Variants in OR1S1 observed in about 807,000 individuals in gnomAD.
The protein encoded by OR1S1 is olfactory receptor family 1 subfamily S member 1.
For missense variants in OR1S1, 411 were observed against 367.5 expected, an observed-to-expected ratio of 1.12 and a Z score of -0.97; for synonymous variants, 156 against 143.9, an observed-to-expected ratio of 1.08 and a Z score of -0.60.
chr11:58,215,848 T>C, exon 2 of OR1S1: 8 of 1,212,878 alleles, frequency 6.6e-6, no homozygotes, highest in African/African-American at 1.5e-5. Flanking sequence ...TATTCCAACC[T>C]CTGAAGGGGT....
intron 1 of OR1S1, among the ~76,000 whole-genome samples, chr11:58,213,710 T>C (rs1331479566): frequency 6.6e-6 from 1 of 152,222 alleles, no homozygotes; most frequent in Non-Finnish European, 1.5e-5. Flanking sequence ...ACTAGCAGCT[T>C]GTGCCTTATA....
intron 1 of OR1S1, among the ~76,000 whole-genome samples, chr11:58,213,685 T>A (rs1371280053): frequency 6.6e-6 from 1 of 152,218 alleles, no homozygotes; most frequent in East Asian, 1.9e-4. Context: ...AGTGTTCATA[T>A]CTGTTGCCAT....
chr11:58,214,782 A>G (rs749561031), exon 2 of OR1S1: 2 of 1,613,902 alleles, frequency 1.2e-6, no homozygotes, highest in Non-Finnish European at 1.7e-6. Context: ...ATCGGCAGAA[A>G]TATGCATCAA....
intron 1 of OR1S1, 149 bp from the exon 2 acceptor site, chr11:58,214,580 G>T: frequency 1.6e-6 from 1 of 621,296 alleles, no homozygotes; most frequent in Non-Finnish European, 2.8e-6. Context: ...GAGAAGTTTC[G>T]GCCATGTCCT....
chr11:58,215,522 G>A lies in OR1S1; in HGVS notation c.739G>A (p.Val247Ile), dbSNP rs780881714. ...CTCCACTTGTGGCTCTCACCTGACA[G>A]TTGTATTACTGTTCTACGGAACCAT... Residue 247 changes from valine to isoleucine, a missense_variant, in exon 2 of 2, where the codon GTT becomes ATT. Coordinates refer to ENST00000641544, the Ensembl canonical transcript of OR1S1. 145 of 1,613,864 alleles carry A rather than the reference G, an allele frequency of 9.0e-5. No homozygotes were observed. Among genetic ancestry groups the A allele is most frequent in the Non-Finnish European group, 1.2e-4 (141 of 1,179,930 alleles).
Position 58,215,418 on chromosome 11 carries a change from C to T in OR1S1, c.635C>T (p.Thr212Ile), listed in dbSNP as rs529657566. 641 of 1,613,802 alleles carry T rather than the reference C, an allele frequency of 4.0e-4. 3 individuals are homozygous for T. In the African/African-American group the frequency reaches 4.1e-3, roughly 10 times the overall value. The change falls in exon 2 of 2, where the codon ACA becomes ATA. Residue 212 changes from threonine to isoleucine, a missense_variant. Transcript: ENST00000641544. Reference sequence around the variant, plus strand: ...TTATCAGTTATCATCTTCCCCTTTACACTCAGCTTCTTTTCCTATGTCTGC... The same window carrying T: ...TTATCAGTTATCATCTTCCCCTTTATACTCAGCTTCTTTTCCTATGTCTGC...
exon 2 of OR1S1, chr11:58,214,861 C>G: frequency 1.9e-6 from 3 of 1,614,074 alleles, no homozygotes; most frequent in Non-Finnish European, 2.5e-6. Flanking sequence ...ATCAAAACCT[C>G]CTCTTTGTGC....
intron 1 of OR1S1, among the ~76,000 whole-genome samples, chr11:58,213,204 G>A (rs1200415775): frequency 1.3e-5 from 2 of 152,184 alleles, no homozygotes; most frequent in Non-Finnish European, 2.9e-5. Context: ...GAGATAGGTA[G>A]AAGAGAGGGA....
exon 2 of OR1S1, chr11:58,215,105 G>A (rs1420912656): frequency 1.5e-5 from 24 of 1,613,990 alleles, no homozygotes; most frequent in Non-Finnish European, 2.0e-5. Context: ...TATTGTGTTT[G>A]TCGTCATTGA....
At position 58,215,348 on chromosome 11, in the gene OR1S1, T is replaced by C. The variant is rs1852921466; in HGVS notation, c.565T>C (p.Cys189Arg). Residue 189 changes from cysteine (C) to arginine (R), a missense_variant, in exon 2 of 2, where the codon TGT (cysteine) becomes CGT (arginine). Physicochemically the swap from Cys to Arg is radical, Grantham distance 180. Transcript: ENST00000641544. ...CTTGGCCCCTCTGCTCAAACTGTCC[T>C]GTTCAGATACATTGATCAATGAGCT... 1 of 1,613,732 alleles carries C rather than the reference T, an allele frequency of 6.2e-7. No homozygotes were observed.
At chr11:58,214,561 A>C (rs1852893731) in intron 1 of OR1S1, among the ~76,000 whole-genome samples, 168 bp from the exon 2 acceptor site, 1 of 152,166 alleles carries the variant, frequency 6.6e-6, no homozygotes, top group Non-Finnish European at 1.5e-5. Context: ...AGTTTAAAAC[A>C]GTTTTTTTGA....
At chr11:58,214,979 C>A (rs572365512) in exon 2 of OR1S1, 9 of 1,614,168 alleles carry the variant, frequency 5.6e-6, no homozygotes, top group Middle Eastern at 1.6e-4. Context: ...CCTTGCCAAT[C>A]TATCCTTTGC....
chr11:58,215,059 C>T (rs1338575258), exon 2 of OR1S1: 3 of 1,614,052 alleles, frequency 1.9e-6, no homozygotes, highest in African/African-American at 1.3e-5. Flanking sequence ...GTCAATCCAT[C>T]TCTTATGAGA....
chr11:58,213,766 G>T (rs1565107992), intron 1 of OR1S1, among the ~76,000 whole-genome samples: 1 of 152,086 alleles, frequency 6.6e-6, no homozygotes, highest in Non-Finnish European at 1.5e-5. Flanking sequence ...GGTTCGTCAG[G>T]GGCTCCCGTT....
Position 58,215,243 on chromosome 11 carries a change from A to G in OR1S1, c.460A>G (p.Ile154Val). 2.5e-6 allele frequency: 4 copies of G among 1,613,856 alleles called. No homozygotes were observed. The South Asian group carries it at 3.3e-5, about 13-fold the overall frequency. The stretch of plus-strand genomic sequence containing the variant: ...AGTCATCTCATGGTTCCTCAGTAAT[A>G]TTATTGCTCTGACACACACCCTTCT... Residue 154 changes from isoleucine (I) to valine (V), a missense_variant, in exon 2 of 2, where the codon ATT becomes GTT. Ile to Val is a conservative substitution (Grantham distance 29). Transcript: ENST00000641544.
At chr11:58,213,609 G>T (rs1433176519) in intron 1 of OR1S1, among the ~76,000 whole-genome samples, 1 of 152,072 alleles carries the variant, frequency 6.6e-6, no homozygotes, top group Non-Finnish European at 1.5e-5. Context: ...TAGTCATTTT[G>T]GTCTTTCCTT....
exon 2 of OR1S1, chr11:58,215,614 A>G (rs1311199779): frequency 1.1e-5 from 17 of 1,613,980 alleles, no homozygotes; most frequent in Non-Finnish European, 1.4e-5. Flanking sequence ...GTGCTGTCCT[A>G]TTCACTGTGG....
chr11:58,213,768 G>T (rs529303005), intron 1 of OR1S1, among the ~76,000 whole-genome samples: 25 of 152,314 alleles, frequency 1.6e-4, no homozygotes, highest in Non-Finnish European at 1.8e-4. Flanking sequence ...TTCGTCAGGG[G>T]CTCCCGTTTG....
chr11:58,215,837 C>T, exon 2 of OR1S1: 2 of 1,317,690 alleles, frequency 1.5e-6, no homozygotes, highest in East Asian at 2.3e-5. Flanking sequence ...TATCTGTCTC[C>T]TATTCCAACC....
Sources: allele counts gnomAD v4.1 joint callset (sites outside exome capture counted in the v4.1 genomes callset), GRCh38; gene constraint gnomAD v4.1.1; transcripts MANE v1.5; gene names NCBI Gene and HGNC (gene_info 2026-07-23, HGNC 2026-07-21).